The following SUPT7L variants were observed in gnomAD, a reference collection of about 807,000 sequenced individuals.
The protein encoded by SUPT7L is STAGA complex 65 subunit gamma.
SUPT7L carries 15 observed loss-of-function variants against 35.7 expected under a neutral mutation model. The observed-to-expected ratio is 0.42, with a 90% confidence interval of 0.28 to 0.65. The LOEUF is 0.65. Among genes scored for constraint, SUPT7L ranks in the 30% least tolerant of loss-of-function variants. SUPT7L has a pLI of 0.23. For missense variants in SUPT7L, 434 were observed against 522.2 expected (o/e 0.83, Z 1.65); for synonymous variants, 168 against 186.2 (o/e 0.90, Z 0.79).
chr2:27,646,098 A>G (rs376750028), downstream of SUPT7L, among the ~76,000 whole-genome samples: 59 of 149,102 alleles, frequency 4.0e-4, no homozygotes, highest in African/African-American at 1.4e-3. Context: ...CTGGAGTGCA[A>G]TGGCGCGATC....
At chr2:27,650,110 T>A, downstream of SUPT7L, 2 of 1,556,292 alleles carry the variant, frequency 1.3e-6, no homozygotes, top group Admixed American at 3.3e-5. Flanking sequence ...CTTTTTTCCT[T>A]GCAGTTACAG....
At chr2:27,648,326 C>G (rs573863753), downstream of SUPT7L, among the ~76,000 whole-genome samples, 14 of 152,166 alleles carry the variant, frequency 9.2e-5, 1 homozygote, top group South Asian at 2.9e-3. Context: ...TCTGGACAAG[C>G]CTGGGCAACA....
At chr2:27,647,002 G>A (rs142628734), downstream of SUPT7L, among the ~76,000 whole-genome samples, 237 of 152,326 alleles carry the variant, frequency 1.6e-3, 1 homozygote, top group Non-Finnish European at 2.6e-3. Context: ...ACCTGTTGAA[G>A]GTTGGGAGAG....
intron 3 of SUPT7L, among the ~76,000 whole-genome samples, chr2:27,660,660 AT>A (rs1246004647): frequency 2.0e-5 from 3 of 151,890 alleles, no homozygotes; most frequent in African/African-American, 4.8e-5. Flanking sequence ...TAAACCCATA[AT>A]TTTTTTTTAT....
downstream of SUPT7L, chr2:27,650,063 TC>T (rs2148097825): frequency 2.1e-6 from 2 of 968,298 alleles, no homozygotes; most frequent in East Asian, 4.8e-5. Context: ...CGGGCTCTAA[TC>T]AGTTTGTCTA....
At chr2:27,642,943 TTATATA>T in the SUPT7L span, among the ~76,000 whole-genome samples, 3 of 128,502 alleles carry the variant, frequency 2.3e-5, no homozygotes, top group African/African-American at 8.5e-5. Flanking sequence ...AAATGTGGTT[TTATATA>T]TATATATATA....
At chr2:27,650,176 A>G (rs764179267), downstream of SUPT7L, 1 of 1,600,172 alleles carries the variant, frequency 6.2e-7, no homozygotes, top group South Asian at 1.1e-5. Flanking sequence ...CGATGGCACA[A>G]TACTGGAAGA....
At position 27,663,573 on chromosome 2, in the gene SUPT7L, A is replaced by G. The variant is rs1172701760; in HGVS notation, c.-334T>C. 1.7e-6 allele frequency: 1 copy of G among 601,902 alleles called. No homozygotes were observed. Among genetic ancestry groups the G allele is most frequent in the Admixed American group, 3.0e-5 (1 of 33,560 alleles). 37.3% of individuals were successfully genotyped at this position (601,902 alleles called of 1,614,324 possible). On this transcript the variant is annotated 5_prime_UTR_variant, in exon 1 of 6. Transcript: ENST00000337768. ...GGACCTCGAGAGGCCTGAGGCAAGGATCGCGTCAGACCCCGAAAGCTGGTT... is the reference window on the plus strand; with the variant it reads ...GGACCTCGAGAGGCCTGAGGCAAGGGTCGCGTCAGACCCCGAAAGCTGGTT...
chr2:27,647,039 A>G (rs1674267277), downstream of SUPT7L, among the ~76,000 whole-genome samples: 2 of 151,412 alleles, frequency 1.3e-5, no homozygotes, highest in Admixed American at 6.5e-5. Flanking sequence ...GAGGAAAGTC[A>G]CAAGTATAGT....
At chr2:27,645,155 G>C in the SUPT7L span, among the ~76,000 whole-genome samples, 1 of 152,050 alleles carries the variant, frequency 6.6e-6, no homozygotes, top group Non-Finnish European at 1.5e-5. Flanking sequence ...ATTTTTAATA[G>C]AGACGAGGTC....
At chr2:27,648,983 G>A (rs562207056), downstream of SUPT7L, among the ~76,000 whole-genome samples, 44 of 151,064 alleles carry the variant, frequency 2.9e-4, no homozygotes, top group South Asian at 7.7e-3. Flanking sequence ...GGTGGCTCAC[G>A]TCTGTAATCC....
At chr2:27,644,474 T>G in the SUPT7L span, among the ~76,000 whole-genome samples, 2 of 152,158 alleles carry the variant, frequency 1.3e-5, no homozygotes, top group Non-Finnish European at 2.9e-5. Context: ...TATCTTTTAT[T>G]GCATCTGGGA....
At chr2:27,654,740 G>A (rs1674710750) in intron 5 of SUPT7L, among the ~76,000 whole-genome samples, 1 of 152,208 alleles carries the variant, frequency 6.6e-6, no homozygotes, top group African/African-American at 2.4e-5. Context: ...CATATTTTTT[G>A]TATTTTTAGT....
downstream of SUPT7L, among the ~76,000 whole-genome samples, chr2:27,646,918 C>G (rs1161878418): frequency 6.6e-6 from 1 of 151,718 alleles, no homozygotes; most frequent in Non-Finnish European, 1.5e-5. Context: ...GTGCCACAGT[C>G]CTTTAGAATC....
chr2:27,643,238 A>G, the SUPT7L span, among the ~76,000 whole-genome samples: 1 of 151,258 alleles, frequency 6.6e-6, no homozygotes, highest in Non-Finnish European at 1.5e-5. The surrounding 1 kb of genome is among the most constrained non-coding windows in gnomAD (Gnocchi z 4.0). Context: ...TCAGATTTAC[A>G]GAAGTTACAT....
In SUPT7L at chr2:27,662,411, TG is replaced by T. The variant is rs138637278; in HGVS notation, c.-89-131del. ...GCTTCCTGGGTGAAATGACTACCTTTGTTCTAACAACATTATACTACTCAGT... is the reference window on the plus strand; with the variant it reads ...GCTTCCTGGGTGAAATGACTACCTTTTTCTAACAACATTATACTACTCAGT... On this transcript the variant is annotated intron_variant, in intron 1 of 5. Coordinates refer to ENST00000337768, the MANE Select transcript of SUPT7L (RefSeq NM_014860.3). 1.0e-3 allele frequency: 554 copies of T among 534,898 alleles called. 2 individuals are homozygous for T. Among genetic ancestry groups the T allele is most frequent in the African/African-American group, 9.8e-3 (513 of 52,586 alleles). 33.1% of individuals were successfully genotyped at this position (534,898 alleles called of 1,614,324 possible). A position where few individuals can be genotyped will look rare whatever the true frequency, so the allele number is the denominator to read the frequency against.
rs368426425 is a variant in SUPT7L, at chr2:27,663,607, A to C, written c.-368T>G. The C allele has an allele frequency of 2.8e-6, 2 of 707,432 alleles. No homozygotes were observed. The highest frequency in any genetic ancestry group is 4.7e-6 in the Non-Finnish European group (2 of 425,538). The allele number at this position is 707,432 out of a possible 1,614,324, so 43.8% of individuals were successfully genotyped here. On this transcript the variant is annotated 5_prime_UTR_variant, in exon 1 of 6. Transcript: ENST00000337768. The stretch of plus-strand genomic sequence containing the variant: ...GACCCCGAAAGCTGGTTTGTTGATT[A>C]GTGATCTAAGACCGCCGGAAGCGCT...
rs778211458 is a variant in SUPT7L at position 27,655,756 on chromosome 2, T to A, written c.745-154A>T. Among the ~76,000 whole-genome samples the A allele has an allele frequency of 7.7e-4, 118 of 152,320 alleles. 1 individual carries two copies. The highest frequency in any genetic ancestry group is 5.1e-4 in the Non-Finnish European group (35 of 68,024). ...GAGGGATTTGTTTAAGGTGCTGAGT[T>A]TGCATTTATGAGTGATAGAGATATG... On this transcript the variant is annotated intron_variant, in intron 4 of 5. Coordinates refer to ENST00000337768, the MANE Select transcript of SUPT7L (RefSeq NM_014860.3).
chr2:27,657,672 G>A lies in SUPT7L; in HGVS notation c.420-3C>T. The A allele has an allele frequency of 5.0e-6, 8 of 1,609,356 alleles. No individual in the cohort carries two copies. Among genetic ancestry groups the A allele is most frequent in the Non-Finnish European group, 6.8e-6 (8 of 1,176,956 alleles). ...CAGTCACAGGTTCCCCTTTCCCACTGAAAGTGGAGATACGGTGGTGTTATT... is the reference window on the plus strand; with the variant it reads ...CAGTCACAGGTTCCCCTTTCCCACTAAAAGTGGAGATACGGTGGTGTTATT... On this transcript the variant is annotated splice_polypyrimidine_tract_variant and splice_region_variant and intron_variant, in intron 3 of 5. Coordinates refer to ENST00000337768, the MANE Select transcript of SUPT7L (RefSeq NM_014860.3). The surrounding 1 kb of genome is among the most constrained non-coding windows in gnomAD (Gnocchi z 5.2).
Sources: allele counts gnomAD v4.1 joint callset (sites outside exome capture counted in the v4.1 genomes callset), GRCh38; gene constraint gnomAD v4.1.1; non-coding constraint Gnocchi (gnomAD v3.1); transcripts MANE v1.5; gene names NCBI Gene and HGNC (gene_info 2026-07-23, HGNC 2026-07-21).